Variants in WWOX observed in about 807,000 individuals in gnomAD.
WWOX encodes the protein WW domain containing oxidoreductase, also known as WW domain-containing oxidoreductase.
Under a neutral mutation model 46.2 loss-of-function variants are expected in WWOX, and 69 were observed. The observed-to-expected ratio is 1.49, with a 90% confidence interval of 1.23 to 1.82. The LOEUF (loss-of-function observed/expected upper bound fraction) is 1.82. Among genes scored for constraint, WWOX ranks in the 40% most tolerant of loss-of-function variants. The pLI, the probability that WWOX is intolerant of heterozygous loss-of-function variation, is 0.00. For synonymous variants in WWOX, 359 were observed against 202.6 expected, an observed-to-expected ratio of 1.77 and a Z score of -6.56; for missense variants, 919 against 542.6, an observed-to-expected ratio of 1.69 and a Z score of -6.89.
intron 8 of WWOX, among the ~76,000 whole-genome samples, chr16:78,541,584 T>C (rs964822028): frequency 6.7e-6 from 1 of 149,940 alleles, no homozygotes; most frequent in Non-Finnish European, 1.5e-5. Flanking sequence ...GGATAGGGTA[T>C]AATTTAATTG....
Position 78,422,758 on chromosome 16 carries a change from CACATATATATACACACATATATATAT to C in WWOX, c.606-2108_606-2083del, listed in dbSNP as rs1294549744. On this transcript the variant is annotated intron_variant, in intron 6 of 8. Transcript: ENST00000566780. Reference sequence around the variant, plus strand: ...ACACACATATATATACACATATATACACATATATATACACACATATATATATACACACACACATATATATACACACA... The same window carrying C: ...ACACACATATATATACACATATATACACACACACACATATATATACACACA... Among the ~76,000 whole-genome samples the C allele has an allele frequency of 5.9e-3, 608 of 102,718 alleles. 31 individuals are homozygous for C. The highest frequency in any genetic ancestry group is 0.042 in the East Asian group (129 of 3,098). 67.4% of individuals were successfully genotyped at this position (102,718 alleles called of 152,430 possible).
intron 8 of WWOX, among the ~76,000 whole-genome samples, chr16:78,472,838 T>G (rs993870553): frequency 3.8e-5 from 5 of 133,152 alleles, no homozygotes; most frequent in Non-Finnish European, 6.5e-5. Context: ...AAAAAAAAAT[T>G]ATGTCATTTC....
At chr16:78,110,742 C>T (rs551216394) in intron 3 of WWOX, among the ~76,000 whole-genome samples, 1 of 152,218 alleles carries the variant, frequency 6.6e-6, no homozygotes, top group African/African-American at 2.4e-5. Context: ...CCCCACAGTG[C>T]CCTGAGAGGT....
chr16:78,544,445 A>T (rs1170934082), intron 8 of WWOX, among the ~76,000 whole-genome samples: 3 of 152,202 alleles, frequency 2.0e-5, no homozygotes, highest in Non-Finnish European at 4.4e-5. Context: ...TCATTTGCAG[A>T]TGAGGAAACT....
intron 8 of WWOX, among the ~76,000 whole-genome samples, chr16:78,907,855 G>A (rs1194148359): frequency 6.6e-6 from 1 of 152,112 alleles, no homozygotes; most frequent in Admixed American, 6.5e-5. Flanking sequence ...AGACGAGGGA[G>A]CAGCAAGTTC....
At chr16:78,576,239 C>T (rs540376383) in intron 8 of WWOX, among the ~76,000 whole-genome samples, 4 of 152,256 alleles carry the variant, frequency 2.6e-5, no homozygotes, top group African/African-American at 9.6e-5. Context: ...CCTTCCAGTT[C>T]TTCTATGTTT....
rs554120892 is a variant in WWOX at position 78,718,345 on chromosome 16, A to T, written c.1056+285593A>T. ...AAAGAATTATTGTGGTGCCAAAAAA[A>T]TTTAAAAAAACGACTAGCTCAGAAG... On this transcript the variant is annotated intron_variant, in intron 8 of 8. Coordinates refer to ENST00000566780, the MANE Select transcript of WWOX (RefSeq NM_016373.4). Among the ~76,000 whole-genome samples, 3 of 152,230 alleles carry T rather than the reference A, an allele frequency of 2.0e-5. No individual in the cohort carries two copies. The East Asian group carries it at 5.8e-4, about 29-fold the overall frequency.
chr16:78,334,914 C>G (rs545913813), intron 5 of WWOX, among the ~76,000 whole-genome samples: 10,396 of 140,744 alleles, frequency 0.074, 1,126 homozygotes, highest in African/African-American at 0.24. Context: ...GAGGAGATAC[C>G]ATCTTTTTTT....
At position 79,211,711 on chromosome 16, in the gene WWOX, A is replaced by C. The variant is rs1316600993; in HGVS notation, c.1160A>C (p.Glu387Ala). ...TGCTGCCGCTGCATGCCCTCACCAGAAGCTCAGAGCGAAGAGACGGCCCGG... is the reference window on the plus strand; with the variant it reads ...TGCTGCCGCTGCATGCCCTCACCAGCAGCTCAGAGCGAAGAGACGGCCCGG... ...NNCCRCMPSPEAQSEETARTL... is the reference protein window; with the variant it reads ...NNCCRCMPSPAAQSEETARTL... The change falls in exon 9 of 9, where the codon GAA (glutamate) becomes GCA (alanine). Residue 387 changes from glutamate (E) to alanine (A), a missense_variant. Glu to Ala is a moderately radical substitution (Grantham distance 107, BLOSUM62 -1). Transcript: ENST00000566780. 1.9e-6 allele frequency: 3 copies of C among 1,614,110 alleles called. No homozygotes were observed. The highest frequency in any genetic ancestry group is 1.7e-5 in the Admixed American group (1 of 60,004).
intron 5 of WWOX, among the ~76,000 whole-genome samples, chr16:78,353,110 T>A (rs2081216650): frequency 6.6e-6 from 1 of 152,206 alleles, no homozygotes; most frequent in South Asian, 2.1e-4. Flanking sequence ...TTTCCTTTGA[T>A]CTTTCTATTT....
At chr16:78,900,778 C>G (rs933837990) in intron 8 of WWOX, among the ~76,000 whole-genome samples, 1 of 150,664 alleles carries the variant, frequency 6.6e-6, no homozygotes, top group South Asian at 2.1e-4. Context: ...GTCATGCTAA[C>G]GTAATAACCT....
At chr16:78,539,167 G>A (rs561668013) in intron 8 of WWOX, among the ~76,000 whole-genome samples, 1 of 152,308 alleles carries the variant, frequency 6.6e-6, no homozygotes, top group Admixed American at 6.5e-5. Flanking sequence ...TTTTCCCCTA[G>A]ACTTTGCAGT....
chr16:78,555,693 G>A (rs1375042471), intron 8 of WWOX, among the ~76,000 whole-genome samples: 1 of 151,278 alleles, frequency 6.6e-6, no homozygotes, highest in Non-Finnish European at 1.5e-5. Context: ...TTCACCCTTT[G>A]GACTGGAAGT....
chr16:78,717,404 T>C (rs192400236), intron 8 of WWOX, among the ~76,000 whole-genome samples: 11 of 152,316 alleles, frequency 7.2e-5, no homozygotes, highest in East Asian at 1.9e-4. Flanking sequence ...CATTGACTTA[T>C]AGACTGAGCT....
chr16:78,955,728 G>C (rs989054297), intron 8 of WWOX, among the ~76,000 whole-genome samples: 4 of 151,098 alleles, frequency 2.6e-5, no homozygotes, highest in African/African-American at 9.7e-5. Context: ...AATCATGGCA[G>C]CCTCAGCCTC....
At chr16:79,178,571 C>T (rs2050848489) in intron 8 of WWOX, among the ~76,000 whole-genome samples, 1 of 152,152 alleles carries the variant, frequency 6.6e-6, no homozygotes, top group Non-Finnish European at 1.5e-5. Flanking sequence ...CCCGCCTCGA[C>T]CTCTCAAAGT....
chr16:79,192,348 C>G (rs566771974), intron 8 of WWOX, among the ~76,000 whole-genome samples: 1 of 151,990 alleles, frequency 6.6e-6, no homozygotes. Context: ...TCCACCCATC[C>G]ATTCATTCAT....
intron 8 of WWOX, among the ~76,000 whole-genome samples, chr16:78,620,888 A>G (rs2046164425): frequency 6.6e-6 from 1 of 152,128 alleles, no homozygotes; most frequent in Admixed American, 6.5e-5. Context: ...CGTATTGCGT[A>G]TATTTGGTTG....
At chr16:78,453,706 A>G (rs2083746761) in intron 8 of WWOX, among the ~76,000 whole-genome samples, 2 of 152,164 alleles carry the variant, frequency 1.3e-5, no homozygotes, top group African/African-American at 4.8e-5. Flanking sequence ...AACACTGATC[A>G]ATTTTTTTCA....
Sources: allele counts gnomAD v4.1 joint callset (sites outside exome capture counted in the v4.1 genomes callset), GRCh38; gene constraint gnomAD v4.1.1; transcripts MANE v1.5; gene names NCBI Gene and HGNC (gene_info 2026-07-23, HGNC 2026-07-21).